Variants in COL23A1 observed in about 807,000 individuals in gnomAD.
COL23A1 encodes collagen type XXIII alpha 1 chain, also known as collagen alpha-1(XXIII) chain.
Under a neutral mutation model 99.3 loss-of-function variants are expected in COL23A1, and 97 were observed. The observed-to-expected ratio is 0.98, with a 90% CI of 0.83 to 1.16. COL23A1 has a LOEUF of 1.16. COL23A1 is among the 50% of genes most tolerant of loss of function. The probability of loss-of-function intolerance (pLI) is 0.00; values close to 1 mark genes in which losing one functional copy is unlikely to be tolerated. For missense variants in COL23A1, 762 were observed against 757.4 expected (o/e 1.01, Z -0.07); for synonymous variants, 320 against 308.2 (o/e 1.04, Z -0.40).
intron 2 of COL23A1, among the ~76,000 whole-genome samples, chr5:178,417,610 C>T (rs1222398509): frequency 6.6e-6 from 1 of 152,152 alleles, no homozygotes; most frequent in Non-Finnish European, 1.5e-5. Context: ...AGACGGAAAT[C>T]CAACCCTCAA....
intron 17 of COL23A1, among the ~76,000 whole-genome samples, chr5:178,252,145 C>T (rs889676527): frequency 4.6e-5 from 7 of 151,998 alleles, no homozygotes; most frequent in Non-Finnish European, 8.8e-5. Flanking sequence ...AAACTCCTGA[C>T]CTCAGGTGAT....
intron 2 of COL23A1, among the ~76,000 whole-genome samples, chr5:178,446,900 G>A (rs1031265216): frequency 7.2e-5 from 11 of 152,096 alleles, no homozygotes; most frequent in South Asian, 2.1e-4. Flanking sequence ...AGCCTTAACA[G>A]GTTGAGAGAA....
intron 2 of COL23A1, among the ~76,000 whole-genome samples, chr5:178,332,920 ATC>A (rs531876892): frequency 3.3e-5 from 5 of 150,998 alleles, no homozygotes; most frequent in Admixed American, 6.6e-5. Flanking sequence ...GATGTGAAAT[ATC>A]TCTTATTTTT....
intron 2 of COL23A1, among the ~76,000 whole-genome samples, chr5:178,351,536 G>T (rs1029121538): frequency 1.3e-5 from 2 of 152,302 alleles, no homozygotes; most frequent in South Asian, 2.1e-4. Context: ...CAGTGAGGCC[G>T]CACTCGGCCC....
chr5:178,431,221 T>C (rs1766246229), intron 2 of COL23A1, among the ~76,000 whole-genome samples: 1 of 152,088 alleles, frequency 6.6e-6, no homozygotes, highest in Non-Finnish European at 1.5e-5. Flanking sequence ...GAGCTGGGCT[T>C]GGGGTTGCAA....
chr5:178,545,298 T>C (rs1761521547), intron 2 of COL23A1, among the ~76,000 whole-genome samples: 1 of 152,092 alleles, frequency 6.6e-6, no homozygotes, highest in Non-Finnish European at 1.5e-5. Context: ...AGCCTCTCCC[T>C]GTGCTGGCCC....
chr5:178,564,338 A>G (rs1395834729), intron 1 of COL23A1, among the ~76,000 whole-genome samples: 2 of 151,734 alleles, frequency 1.3e-5, no homozygotes, highest in Non-Finnish European at 2.9e-5. Context: ...CACTTTCTGT[A>G]TCCTGACTAC....
At chr5:178,318,773 G>C (rs1193107786) in intron 2 of COL23A1, among the ~76,000 whole-genome samples, 1 of 152,116 alleles carries the variant, frequency 6.6e-6, no homozygotes, top group Non-Finnish European at 1.5e-5. Context: ...GTGGTGGCGG[G>C]CGCCTGTAAC....
At chr5:178,558,999 A>G (rs914113114) in intron 2 of COL23A1, among the ~76,000 whole-genome samples, 10 of 152,180 alleles carry the variant, frequency 6.6e-5, no homozygotes, top group African/African-American at 2.2e-4. Context: ...CACGTTGGCC[A>G]GACTGCTCTC....
At chr5:178,251,954 C>T (rs1259846264) in intron 17 of COL23A1, among the ~76,000 whole-genome samples, 1 of 145,206 alleles carries the variant, frequency 6.9e-6, no homozygotes, top group Non-Finnish European at 1.5e-5. Flanking sequence ...GCTCTTGTTG[C>T]CCAGGCTGGA....
intron 2 of COL23A1, among the ~76,000 whole-genome samples, chr5:178,320,293 A>G (rs1345698004): frequency 6.6e-6 from 1 of 152,098 alleles, no homozygotes; most frequent in African/African-American, 2.4e-5. Context: ...TGGGGACCCC[A>G]AGGTGTTGGG....
At chr5:178,369,025 C>T (rs1003264447) in intron 2 of COL23A1, among the ~76,000 whole-genome samples, 9 of 152,332 alleles carry the variant, frequency 5.9e-5, no homozygotes, top group Middle Eastern at 3.4e-3. Context: ...GCAAGCTCCC[C>T]GCACACCCAC....
At chr5:178,566,679 G>A (rs1762856940) in intron 1 of COL23A1, among the ~76,000 whole-genome samples, 1 of 152,042 alleles carries the variant, frequency 6.6e-6, no homozygotes, top group South Asian at 2.1e-4. Context: ...AGCCTGATAT[G>A]GTGGCGTGCA....
chr5:178,251,909 CT>C lies in COL23A1; in HGVS notation c.1014+634del, dbSNP rs979583837. ...CTTTCTCTCTCTTTCATTTTCTTTT[CT>C]TTTTTTTTTTTTTTTATTTTGAGAC... On this transcript the variant is annotated intron_variant, in intron 17 of 28. Coordinates refer to ENST00000390654, the MANE Select transcript of COL23A1 (RefSeq NM_173465.4). 7.7e-3 allele frequency among the ~76,000 whole-genome samples: 462 copies of C among 59,630 alleles called. 2 individuals carry two copies. The highest frequency in any genetic ancestry group is 0.021 in the African/African-American group (382 of 18,456). 39.1% of individuals were successfully genotyped at this position (59,630 alleles called of 152,430 possible).
intron 3 of COL23A1, among the ~76,000 whole-genome samples, chr5:178,302,353 T>C (rs1427635102): frequency 6.7e-6 from 1 of 150,220 alleles, no homozygotes; most frequent in South Asian, 2.1e-4. Flanking sequence ...CACCTGTGTG[T>C]GCGCCGGAGC....
chr5:178,405,060 G>A (rs866654407), intron 2 of COL23A1, among the ~76,000 whole-genome samples: 4 of 152,204 alleles, frequency 2.6e-5, no homozygotes, highest in Non-Finnish European at 5.9e-5. Context: ...GGCTTGGCCA[G>A]GTGACCCCCT....
chr5:178,378,908 T>C (rs931391713), intron 2 of COL23A1, among the ~76,000 whole-genome samples: 15 of 152,130 alleles, frequency 9.9e-5, no homozygotes, highest in Non-Finnish European at 1.2e-4. Context: ...CTTCTCTTAT[T>C]TGGAATCCCA....
chr5:178,376,608 G>A (rs909614427), intron 2 of COL23A1, among the ~76,000 whole-genome samples: 1 of 152,244 alleles, frequency 6.6e-6, no homozygotes, highest in Non-Finnish European at 1.5e-5. Context: ...AAGCAATCCT[G>A]CAAGTTAGGC....
intron 2 of COL23A1, among the ~76,000 whole-genome samples, chr5:178,502,172 C>A (rs1378680224): frequency 6.6e-6 from 1 of 152,216 alleles, no homozygotes; most frequent in African/African-American, 2.4e-5. Flanking sequence ...CGCTCTGTCG[C>A]CCAGGCTGGA....
Sources: gnomAD v4.1 joint callset for allele counts (sites outside exome capture counted in the v4.1 genomes callset) on GRCh38, gnomAD v4.1.1 for gene constraint, MANE v1.5 for transcripts, NCBI Gene and HGNC (gene_info 2026-07-23, HGNC 2026-07-21) for gene names.